Variants in HIP1R observed in about 807,000 individuals in gnomAD.
HIP1R encodes huntingtin interacting protein 1 related.
A neutral mutation model predicts 144.2 loss-of-function variants in HIP1R; 135 were observed. That is an observed-to-expected ratio of 0.94 (90% CI 0.81 to 1.08). The LOEUF (loss-of-function observed/expected upper bound fraction) is 1.08, where lower values mean the gene tolerates loss of function less well. Ranked by LOEUF, HIP1R falls within the 50% of genes least tolerant of loss-of-function variation. The pLI, the probability that HIP1R is intolerant of heterozygous loss-of-function variation, is 0.00. For missense variants in HIP1R, 1,462 were observed against 1,432.8 expected, an observed-to-expected ratio of 1.02 and a Z score of -0.33; for synonymous variants, 698 against 612.8, an observed-to-expected ratio of 1.14 and a Z score of -2.05.
intron 27 of HIP1R, 55 bp downstream of exon 27, chr12:122,860,578 G>C: frequency 6.3e-7 from 1 of 1,576,168 alleles, no homozygotes; most frequent in Non-Finnish European, 8.7e-7. Flanking sequence ...AGTTGGAGCA[G>C]TTTGGGGTTC....
chr12:122,859,472 C>A lies in HIP1R; in HGVS notation c.2342C>A (p.Ala781Asp). ...GATGTGCGGCAGGAGGAGCTGGGGG[C>A]CGTGGTCGACAAGGAGATGGCGGCC... ...SLDVRQEELG[A>D]VVDKEMAATS... The change falls in exon 23 of 32, where the codon GCC becomes GAC. Residue 781 changes from alanine to aspartate, a missense_variant. Transcript: ENST00000253083. The A allele has an allele frequency of 6.2e-7, 1 of 1,613,494 alleles. No homozygotes were observed. The highest frequency in any genetic ancestry group is 8.5e-7 in the Non-Finnish European group (1 of 1,179,954).
chr12:122,858,927 C>T lies in HIP1R; in HGVS notation c.2140C>T (p.Pro714Ser). 6.2e-7 allele frequency: 1 copy of T among 1,613,060 alleles called. No individual in the cohort carries two copies. ...INGGATSHLA[P>S]TDPADRLIDT... Reference sequence around the variant, plus strand: ...TGGCGGTGCCACCTCGCACCTGGCTCCCACCGACCCTGCCGACCGTAAGTG... The same window carrying T: ...TGGCGGTGCCACCTCGCACCTGGCTTCCACCGACCCTGCCGACCGTAAGTG... Residue 714 changes from proline (P) to serine (S), a missense_variant, in exon 21 of 32, where the codon CCC (proline) becomes TCC (serine). By Grantham distance (74) the Pro-to-Ser change is moderately conservative. Coordinates refer to ENST00000253083, the MANE Select transcript of HIP1R (RefSeq NM_003959.3).
chr12:122,835,666 G>C lies in HIP1R; in HGVS notation c.93+23G>C, dbSNP rs760385205. On this transcript the variant is annotated intron_variant, in intron 1 of 31. Coordinates refer to ENST00000253083, the MANE Select transcript of HIP1R (RefSeq NM_003959.3). ...CAGGCGAGCGGGCGGCGGGCGGCGG[G>C]CGGCGGGCGGCGGCGGGCGGGCGGG... The C allele has an allele frequency of 1.7e-3, 1,695 of 1,007,254 alleles. 31 individuals are homozygous for C. Among genetic ancestry groups the C allele is most frequent in the East Asian group, 7.3e-3 (115 of 15,650 alleles). 62.4% of individuals were successfully genotyped at this position (1,007,254 alleles called of 1,614,324 possible).
intron 1 of HIP1R, among the ~76,000 whole-genome samples, chr12:122,846,743 G>T (rs1371549558): frequency 6.6e-6 from 1 of 152,196 alleles, no homozygotes; most frequent in Non-Finnish European, 1.5e-5. Context: ...GGTCAGCATC[G>T]TGCTAGGGGC....
At chr12:122,860,815 G>C (rs1440253753) in intron 28 of HIP1R, 31 bp downstream of exon 28, 1 of 1,605,696 alleles carries the variant, frequency 6.2e-7, no homozygotes, top group Non-Finnish European at 8.5e-7. Context: ...CAGCACACTG[G>C]GCTCTGGGCC....
intron 1 of HIP1R, among the ~76,000 whole-genome samples, chr12:122,838,320 T>TAAA (rs66537531): frequency 0.041 from 5,920 of 145,310 alleles, 390 homozygotes; most frequent in African/African-American, 0.16. Context: ...GTCCCTTTGG[T>TAAA]TAAAAAAAAA....
chr12:122,841,001 C>G lies in HIP1R; in HGVS notation c.93+5358C>G, dbSNP rs527398938. 7.2e-5 allele frequency among the ~76,000 whole-genome samples: 11 copies of G among 152,322 alleles called. No individual in the cohort carries two copies. In the East Asian group the frequency reaches 2.1e-3, roughly 29 times the overall value. On this transcript the variant is annotated intron_variant, in intron 1 of 31. Transcript: ENST00000253083. ...TTCGCGAATGAAACCCAGCTGGCCA[C>G]TGGATCCCAGCAGCTTAAAGTGGAA... is the stretch of plus-strand genomic sequence containing the variant.
chr12:122,855,912 TGGGGATGGGTG>T lies in HIP1R; in HGVS notation c.1128+14_1128+24del. 1 of 1,337,182 alleles carries T rather than the reference TGGGGATGGGTG, an allele frequency of 7.5e-7. No individual in the cohort carries two copies. Among genetic ancestry groups the T allele is most frequent in the Non-Finnish European group, 1.0e-6 (1 of 965,006 alleles). 82.8% of individuals were successfully genotyped at this position (1,337,182 alleles called of 1,614,324 possible). ...AGAAGATCAAGCTGGAGGTGCGGGG[TGGGGATGGGTG>T]GGGGCCAGGGCCCCTCACGGCCCAG... On this transcript the variant is annotated intron_variant, in intron 13 of 31. Coordinates refer to ENST00000253083, the MANE Select transcript of HIP1R (RefSeq NM_003959.3).
chr12:122,842,829 AT>A (rs2033096515), intron 1 of HIP1R, among the ~76,000 whole-genome samples: 1 of 152,182 alleles, frequency 6.6e-6, no homozygotes. Flanking sequence ...GGTGTGCCCC[AT>A]GAGTCTCAGT....
At chr12:122,851,060 G>A in intron 6 of HIP1R, 149 bp downstream of exon 6, 3 of 878,162 alleles carry the variant, frequency 3.4e-6, no homozygotes, top group Non-Finnish European at 5.3e-6. Context: ...CAGGGACAGA[G>A]GGTGAAGTTA....
chr12:122,842,046 T>A (rs908421684), intron 1 of HIP1R, among the ~76,000 whole-genome samples: 35 of 152,172 alleles, frequency 2.3e-4, no homozygotes, highest in African/African-American at 8.2e-4. Flanking sequence ...GCCTCGCTGC[T>A]TTGCGTGTGG....
chr12:122,853,855 A>T (rs1477868483), intron 7 of HIP1R, 188 bp from the exon 8 acceptor site: 1 of 583,846 alleles, frequency 1.7e-6, no homozygotes, highest in Non-Finnish European at 2.9e-6. Flanking sequence ...GTTGCCGTTG[A>T]CCTCCTTCAT....
At position 122,840,279 on chromosome 12, in the gene HIP1R, C is replaced by T. The variant is rs566574303; in HGVS notation, c.93+4636C>T. On this transcript the variant is annotated intron_variant, in intron 1 of 31. Coordinates refer to ENST00000253083, the MANE Select transcript of HIP1R (RefSeq NM_003959.3). This position sits in a 1 kb window ranked among gnomAD's most constrained non-coding sequence, Gnocchi z 4.2. ...TTGATGCCCATGACACATTCCTGAG[C>T]GCCGCTTGCTGTCTTACCATTTGGC... is the stretch of plus-strand genomic sequence containing the variant. Among the ~76,000 whole-genome samples, 14 of 152,348 alleles carry T rather than the reference C, an allele frequency of 9.2e-5. No homozygotes were observed. The highest frequency in any genetic ancestry group is 3.9e-4 in the Admixed American group (6 of 15,304).
In HIP1R at chr12:122,862,123, G is replaced by A. The variant is rs2033789188; in HGVS notation, c.*370G>A. Reference sequence around the variant, plus strand: ...TTGTAGTCAGCACACTGGGAAACCGGGCCAGCGTGGGGCTCCCTGCCTTCT... The same window carrying A: ...TTGTAGTCAGCACACTGGGAAACCGAGCCAGCGTGGGGCTCCCTGCCTTCT... On this transcript the variant is annotated 3_prime_UTR_variant, in exon 32 of 32. Transcript: ENST00000253083. The A allele has an allele frequency of 4.9e-6, 1 of 202,198 alleles. No homozygotes were observed. Among genetic ancestry groups the A allele is most frequent in the South Asian group, 1.3e-4 (1 of 7,972 alleles). The allele number at this position is 202,198 out of a possible 1,614,324, so 12.5% of individuals were successfully genotyped here. A position where few individuals can be genotyped will look rare whatever the true frequency, so the allele number is the denominator to read the frequency against.
chr12:122,850,775 G>A (rs1489902386), intron 5 of HIP1R, 60 bp from the exon 6 acceptor site: 31 of 1,358,444 alleles, frequency 2.3e-5, no homozygotes, highest in Non-Finnish European at 2.9e-5. Flanking sequence ...CTGGTTCGGT[G>A]GCCGCCAGGT....
In HIP1R at chr12:122,840,280, G is replaced by A. The variant is rs986282594; in HGVS notation, c.93+4637G>A. Among the ~76,000 whole-genome samples, 4 of 152,208 alleles carry A rather than the reference G, an allele frequency of 2.6e-5. No individual in the cohort carries two copies. The highest frequency in any genetic ancestry group is 4.4e-5 in the Non-Finnish European group (3 of 68,034). ...TGATGCCCATGACACATTCCTGAGC[G>A]CCGCTTGCTGTCTTACCATTTGGCC... On this transcript the variant is annotated intron_variant, in intron 1 of 31. Transcript: ENST00000253083. The surrounding 1 kb of genome is among the most constrained non-coding windows in gnomAD (Gnocchi z 4.2).
rs971298972 is a variant in HIP1R at position 122,836,231 on chromosome 12, A to G, written c.93+588A>G. Among the ~76,000 whole-genome samples, 2 of 151,842 alleles carry G rather than the reference A, an allele frequency of 1.3e-5. No homozygotes were observed. The highest frequency in any genetic ancestry group is 2.9e-5 in the Non-Finnish European group (2 of 67,956). ...GTTTCCCAGGGCTGCACAGTCTCCT[A>G]TTATTTGCTGGGTGAAAAGCTTCTC... On this transcript the variant is annotated intron_variant, in intron 1 of 31. Transcript: ENST00000253083. The surrounding 1 kb of genome is among the most constrained non-coding windows in gnomAD (Gnocchi z 4.1).
Position 122,857,462 on chromosome 12 carries a change from T to A in HIP1R, c.1815+247T>A, listed in dbSNP as rs1426046311. On this transcript the variant is annotated intron_variant, in intron 18 of 31. Transcript: ENST00000253083. ...GCCGTGTGGACAGACCACATTGTGT[T>A]TATCTGTTCATCACTTGGTGGACAT... 4 of 585,554 alleles carry A rather than the reference T, an allele frequency of 6.8e-6. No individual in the cohort carries two copies. In the African/African-American group the frequency reaches 7.5e-5, roughly 11 times the overall value. 36.3% of individuals were successfully genotyped at this position (585,554 alleles called of 1,614,324 possible). A position where few individuals can be genotyped will look rare whatever the true frequency, so the allele number is the denominator to read the frequency against.
chr12:122,855,713 C>G (rs1488306834), intron 12 of HIP1R, 101 bp downstream of exon 12: 1 of 1,509,218 alleles, frequency 6.6e-7, no homozygotes, highest in Non-Finnish European at 9.0e-7. Flanking sequence ...AGGTGGGGAA[C>G]ATGAACCCGT....
Sources: gnomAD v4.1 joint callset for allele counts (sites outside exome capture counted in the v4.1 genomes callset) on GRCh38, gnomAD v4.1.1 for gene constraint, Gnocchi (gnomAD v3.1) non-coding constraint, MANE v1.5 for transcripts, NCBI Gene and HGNC (gene_info 2026-07-23, HGNC 2026-07-21) for gene names.